The following LUZP1 variants were observed in gnomAD, a reference collection of about 807,000 sequenced individuals.
LUZP1 encodes the protein leucine zipper protein 1.
In LUZP1, 25 loss-of-function variants were observed where a neutral mutation model predicts 71.3. That is an observed-to-expected ratio of 0.35 (90% CI 0.26 to 0.49). The LOEUF (loss-of-function observed/expected upper bound fraction) is 0.49. Among genes scored for constraint, LUZP1 ranks in the 20% least tolerant of loss-of-function variants. LUZP1 has a pLI of 0.99. For missense variants in LUZP1, 1,142 were observed against 1,300.8 expected (o/e 0.88, Z 1.88); for synonymous variants, 481 against 506.4 (o/e 0.95, Z 0.67).
chr1:23,139,028 A>C (rs956275758), intron 2 of LUZP1, among the ~76,000 whole-genome samples: 1 of 101,736 alleles, frequency 9.8e-6, no homozygotes, highest in Non-Finnish European at 1.9e-5. Context: ...AAATATATAT[A>C]TATATATATA....
chr1:23,107,176 A>G (rs903292060), intron 3 of LUZP1, among the ~76,000 whole-genome samples: 3 of 152,188 alleles, frequency 2.0e-5, no homozygotes, highest in African/African-American at 7.2e-5. Context: ...TTAGCTTAAA[A>G]TATCACCTCA....
chr1:23,163,540 T>G, intron 2 of LUZP1, among the ~76,000 whole-genome samples: 1 of 130,794 alleles, frequency 7.6e-6, no homozygotes, highest in Non-Finnish European at 1.6e-5. Context: ...AGAGAAAGAG[T>G]GAGATCCCGT....
intron 2 of LUZP1, among the ~76,000 whole-genome samples, chr1:23,168,176 C>CCCGCGG (rs1557699730): frequency 4.2e-5 from 6 of 143,368 alleles, no homozygotes; most frequent in South Asian, 2.2e-4. Flanking sequence ...GCGGCCCGCG[C>CCCGCGG]CCCGCGCCCG....
At chr1:23,121,884 C>T (rs1172667876) in intron 2 of LUZP1, among the ~76,000 whole-genome samples, 52 of 152,068 alleles carry the variant, frequency 3.4e-4, no homozygotes, top group Admixed American at 2.8e-3. Context: ...TGGTGGCGCA[C>T]GCCTGTAATC....
chr1:23,166,048 C>CAAAAA (rs76454136), intron 2 of LUZP1, among the ~76,000 whole-genome samples: 19 of 98,448 alleles, frequency 1.9e-4, no homozygotes, highest in East Asian at 2.7e-4. Flanking sequence ...GTCTTTTTAC[C>CAAAAA]AAAAAAAAAA....
chr1:23,103,168 C>T (rs1402764606), intron 3 of LUZP1, among the ~76,000 whole-genome samples: 1 of 151,368 alleles, frequency 6.6e-6, no homozygotes, highest in East Asian at 1.9e-4. Context: ...AACTCCTGGA[C>T]TCAAGCCATC....
chr1:23,137,555 T>C (rs1464803540), intron 2 of LUZP1, among the ~76,000 whole-genome samples: 1 of 151,940 alleles, frequency 6.6e-6, no homozygotes, highest in East Asian at 1.9e-4. Context: ...GCAGGAGAAC[T>C]GCTTGAACTC....
chr1:23,166,867 C>T (rs1466085653), intron 2 of LUZP1, among the ~76,000 whole-genome samples: 1 of 152,180 alleles, frequency 6.6e-6, no homozygotes, highest in Non-Finnish European at 1.5e-5. Flanking sequence ...TTATTAATCA[C>T]TGGTCAACAA....
chr1:23,121,073 T>C (rs1198510926), intron 2 of LUZP1, among the ~76,000 whole-genome samples: 2 of 152,148 alleles, frequency 1.3e-5, no homozygotes, highest in African/African-American at 4.8e-5. Context: ...ATCCCCAAGA[T>C]TACAAACAAC....
Position 23,143,900 on chromosome 1 carries a change from T to C in LUZP1, c.-226+24866A>G, listed in dbSNP as rs185680265. Among the ~76,000 whole-genome samples, 4 of 152,350 alleles carry C rather than the reference T, an allele frequency of 2.6e-5. No individual in the cohort carries two copies. The East Asian group carries it at 7.7e-4, about 29-fold the overall frequency. On this transcript the variant is annotated intron_variant, in intron 2 of 4. Coordinates refer to ENST00000302291, the Ensembl canonical transcript of LUZP1. ...TCACAGTGGTCTTAAGAGGCAGAAC[T>C]GAGAATTAAAATTCAGGACTGCCTT...
intron 1 of LUZP1, among the ~76,000 whole-genome samples, chr1:23,170,109 A>C (rs924621123): frequency 1.3e-5 from 2 of 152,202 alleles, no homozygotes; most frequent in East Asian, 3.8e-4. Context: ...GCCAGAAAGC[A>C]ATCCTCCCTG....
chr1:23,084,207 A>G (rs1454114356), exon 5 of LUZP1: 2 of 152,154 alleles, frequency 1.3e-5, no homozygotes, highest in African/African-American at 4.8e-5. Flanking sequence ...AAAAAACAGA[A>G]ATCTATTCGA....
intron 2 of LUZP1, among the ~76,000 whole-genome samples, chr1:23,134,448 CT>C (rs1284095609): frequency 6.6e-6 from 1 of 152,124 alleles, no homozygotes; most frequent in Non-Finnish European, 1.5e-5. Flanking sequence ...CACCACTGCA[CT>C]CCAGCTTTGG....
intron 2 of LUZP1, among the ~76,000 whole-genome samples, chr1:23,161,468 G>C (rs555994382): frequency 6.6e-5 from 10 of 152,278 alleles, no homozygotes; most frequent in African/African-American, 2.4e-4. Flanking sequence ...AGCTCACTGA[G>C]TTTAAAAATA....
chr1:23,169,734 C>A (rs1490783147), intron 1 of LUZP1, among the ~76,000 whole-genome samples: 1 of 152,124 alleles, frequency 6.6e-6, no homozygotes, highest in Non-Finnish European at 1.5e-5. Context: ...CAAAGACAGC[C>A]CAAGACCCAC....
In LUZP1 at chr1:23,139,019, A is replaced by AAAAAAAAATAT. The variant is rs1317355746; in HGVS notation, c.-226+29746_-226+29747insATATTTTTTTT. ...TCTCAAAAAAAAAAAAAAAAAAAAA[A>AAAAAAAAATAT]ATATATATATATATATATATATATA... is the stretch of plus-strand genomic sequence containing the variant. On this transcript the variant is annotated intron_variant, in intron 2 of 4. Coordinates refer to ENST00000302291, the Ensembl canonical transcript of LUZP1. 1.8e-3 allele frequency among the ~76,000 whole-genome samples: 109 copies of AAAAAAAAATAT among 59,926 alleles called. 3 individuals are homozygous for AAAAAAAAATAT. Among genetic ancestry groups the AAAAAAAAATAT allele is most frequent in the Non-Finnish European group, 2.3e-3 (84 of 37,218 alleles). 39.3% of individuals were successfully genotyped at this position (59,926 alleles called of 152,430 possible).
At chr1:23,107,500 T>C (rs575017155) in intron 3 of LUZP1, among the ~76,000 whole-genome samples, 1 of 152,320 alleles carries the variant, frequency 6.6e-6, no homozygotes, top group East Asian at 1.9e-4. Flanking sequence ...AAATATTTTA[T>C]GTGTAATAGG....
chr1:23,172,976 C>A (rs1037102731), intron 1 of LUZP1, among the ~76,000 whole-genome samples: 4 of 151,878 alleles, frequency 2.6e-5, no homozygotes, highest in Non-Finnish European at 5.9e-5. Context: ...GCCTGCGACA[C>A]CATGCCCGGC....
chr1:23,119,997 G>A (rs1346643841), intron 2 of LUZP1, among the ~76,000 whole-genome samples: 4 of 151,318 alleles, frequency 2.6e-5, no homozygotes, highest in East Asian at 1.9e-4. Flanking sequence ...GCTGGAGTGC[G>A]GTGGAGCAAT....
Sources: gnomAD v4.1 joint callset for allele counts (sites outside exome capture counted in the v4.1 genomes callset) on GRCh38, gnomAD v4.1.1 for gene constraint, MANE v1.5 for transcripts, NCBI Gene and HGNC (gene_info 2026-07-23, HGNC 2026-07-21) for gene names.